Variants in GSE1 observed in about 807,000 individuals in gnomAD.
GSE1 encodes the protein genetic suppressor element 1.
GSE1 carries 32 observed loss-of-function variants against 112.6 expected under a neutral mutation model. The ratio of observed to expected loss-of-function variants is 0.28; its 90% confidence interval spans 0.21 to 0.38. The LOEUF is 0.38. GSE1 is among the 10% of genes least tolerant of loss of function. The pLI is 1.00. For missense variants in GSE1, 2,348 were observed against 1,699.2 expected, an observed-to-expected ratio of 1.38 and a Z score of -6.71; for synonymous variants, 1,115 against 735.6, an observed-to-expected ratio of 1.52 and a Z score of -8.35.
At chr16:85,639,379 C>T (rs1027010181) in intron 2 of GSE1, among the ~76,000 whole-genome samples, 3 of 152,212 alleles carry the variant, frequency 2.0e-5, no homozygotes, top group Non-Finnish European at 4.4e-5. Flanking sequence ...CACCCAACCA[C>T]CCCCATAGGC....
intron 1 of GSE1, among the ~76,000 whole-genome samples, chr16:85,272,626 A>G (rs976225567): frequency 6.6e-6 from 1 of 151,872 alleles, no homozygotes; most frequent in African/African-American, 2.4e-5. Context: ...GTGTGCGGGG[A>G]GCCTGGGCTG....
chr16:85,330,834 C>G (rs551235596), intron 1 of GSE1, among the ~76,000 whole-genome samples: 2 of 152,184 alleles, frequency 1.3e-5, no homozygotes, highest in Non-Finnish European at 2.9e-5. Context: ...TTCTCTATCT[C>G]CCTCCTCCCT....
At chr16:85,503,325 G>T (rs1335499724) in intron 2 of GSE1, among the ~76,000 whole-genome samples, 1 of 152,192 alleles carries the variant, frequency 6.6e-6, no homozygotes, top group Non-Finnish European at 1.5e-5. Flanking sequence ...GGAGGGAAGG[G>T]TGTGGGCAGG....
chr16:85,320,205 C>T (rs2046073136), intron 1 of GSE1, among the ~76,000 whole-genome samples: 2 of 152,172 alleles, frequency 1.3e-5, no homozygotes, highest in Admixed American at 6.5e-5. Flanking sequence ...AGTGGGCAGC[C>T]GTGGCCCCAC....
At chr16:85,273,028 G>A (rs1408398074) in intron 1 of GSE1, among the ~76,000 whole-genome samples, 3 of 152,126 alleles carry the variant, frequency 2.0e-5, no homozygotes, top group Non-Finnish European at 2.9e-5. Context: ...TGCCCGCCTC[G>A]GCCTCCCACA....
At chr16:85,560,473 C>T (rs1164416259) in intron 1 of GSE1, among the ~76,000 whole-genome samples, 1 of 152,132 alleles carries the variant, frequency 6.6e-6, no homozygotes, top group African/African-American at 2.4e-5. Context: ...TTGGACCAGG[C>T]CTCTTGCCGC....
At chr16:85,252,058 G>A (rs1235891214) in intron 1 of GSE1, among the ~76,000 whole-genome samples, 2 of 152,222 alleles carry the variant, frequency 1.3e-5, no homozygotes, top group African/African-American at 4.8e-5. Context: ...AGAGAGAGCA[G>A]TTGAACCCCA....
At chr16:85,331,349 GTGTGTGTGTGTGTGTGTATATA>G (rs993805512) in intron 1 of GSE1, among the ~76,000 whole-genome samples, 3 of 67,340 alleles carry the variant, frequency 4.5e-5, no homozygotes, top group African/African-American at 1.5e-4. Flanking sequence ...GTGTGTGTGT[GTGTGTGTGTGTGTGTGTATATA>G]TGTATATATA....
chr16:85,223,080 G>A (rs1439985674), intron 1 of GSE1, among the ~76,000 whole-genome samples: 3 of 152,064 alleles, frequency 2.0e-5, no homozygotes, highest in East Asian at 3.9e-4. Context: ...GTACGGGGCC[G>A]GCGGAGTCAA....
At chr16:85,193,837 C>A (rs2074875169) in intron 1 of GSE1, among the ~76,000 whole-genome samples, 1 of 152,210 alleles carries the variant, frequency 6.6e-6, no homozygotes, top group Non-Finnish European at 1.5e-5. Context: ...CCAGTGTACC[C>A]TTCACTGAAT....
chr16:85,427,118 GC>G (rs771196595), intron 2 of GSE1, among the ~76,000 whole-genome samples: 2 of 152,176 alleles, frequency 1.3e-5, no homozygotes, highest in East Asian at 1.9e-4. Context: ...CCCAGCACCA[GC>G]ACTGTGAGTC....
chr16:85,372,684 T>C (rs534390731), intron 2 of GSE1, among the ~76,000 whole-genome samples: 1 of 152,108 alleles, frequency 6.6e-6, no homozygotes, highest in South Asian at 2.1e-4. Context: ...TCCTTCTGGG[T>C]CTTAGATTCC....
exon 1 of GSE1, chr16:85,170,880 G>A (rs953419987): frequency 4.6e-5 from 45 of 985,424 alleles, no homozygotes; most frequent in Non-Finnish European, 5.1e-5. Context: ...TGGTGCCCCT[G>A]GACAGCCACG....
At chr16:85,257,046 A>C (rs994508270) in intron 1 of GSE1, among the ~76,000 whole-genome samples, 3 of 152,168 alleles carry the variant, frequency 2.0e-5, no homozygotes, top group African/African-American at 7.2e-5. Context: ...CATGGGACAT[A>C]GGGAGGTTGA....
intron 1 of GSE1, among the ~76,000 whole-genome samples, chr16:85,270,412 G>A (rs1019414823): frequency 4.0e-5 from 6 of 149,082 alleles, no homozygotes; most frequent in African/African-American, 1.2e-4. Flanking sequence ...GCTCCACTCC[G>A]TCTGCTTGGG....
At chr16:85,466,993 C>G (rs1037492981) in intron 2 of GSE1, among the ~76,000 whole-genome samples, 3 of 152,222 alleles carry the variant, frequency 2.0e-5, no homozygotes, top group African/African-American at 7.2e-5. Context: ...CCCAGAGGCT[C>G]AGGTTGTAGT....
At chr16:85,408,193 C>A (rs1464669318) in intron 2 of GSE1, among the ~76,000 whole-genome samples, 9 of 26,900 alleles carry the variant, frequency 3.3e-4, no homozygotes, top group Non-Finnish European at 4.1e-4. Flanking sequence ...ACACTCAGGC[C>A]CCCCTGGATA....
chr16:85,390,444 G>A lies in GSE1; in HGVS notation c.2464+32801G>A, dbSNP rs1215201112. On this transcript the variant is annotated intron_variant, in intron 2 of 2. Coordinates refer to the GSE1 transcript ENST00000637419. ...GGCCGGGGCAGCTAGTCCCCTTTGAGCCCTAATTCTAAGAGCTAGCTTCGT... is the reference window on the plus strand; with the variant it reads ...GGCCGGGGCAGCTAGTCCCCTTTGAACCCTAATTCTAAGAGCTAGCTTCGT... Among the ~76,000 whole-genome samples, 3 of 152,126 alleles carry A rather than the reference G, an allele frequency of 2.0e-5. No homozygotes were observed. The East Asian group carries it at 5.8e-4, about 29-fold the overall frequency.
At chr16:85,662,948 T>C in intron 9 of GSE1, 33 bp from the exon 10 acceptor site, 1 of 1,419,274 alleles carries the variant, frequency 7.0e-7, no homozygotes, top group Non-Finnish European at 9.9e-7. Context: ...TGAAGGCTCT[T>C]TGTCTGGCTG....
Sources: gnomAD v4.1 joint callset for allele counts (sites outside exome capture counted in the v4.1 genomes callset) on GRCh38, gnomAD v4.1.1 for gene constraint, MANE v1.5 for transcripts, NCBI Gene and HGNC (gene_info 2026-07-23, HGNC 2026-07-21) for gene names.